Variants in ERH observed in about 807,000 individuals in gnomAD.
ERH encodes ERH mRNA splicing and mitosis factor.
Under a neutral mutation model 16.8 loss-of-function variants are expected in ERH, and 1 was observed. The observed-to-expected ratio is 0.06, with a 90% CI of 0.02 to 0.28. The LOEUF is 0.28. ERH is among the 10% of genes least tolerant of loss of function. The pLI is 1.00. For synonymous variants in ERH, 43 were observed against 43.6 expected (o/e 0.99, Z 0.05); for missense variants, 42 against 127.5 (o/e 0.33, Z 3.23).
chr14:69,395,365 C>G (rs1882312172), intron 1 of ERH, among the ~76,000 whole-genome samples: 1 of 152,180 alleles, frequency 6.6e-6, no homozygotes, highest in Non-Finnish European at 1.5e-5. Flanking sequence ...AGTATAGTAT[C>G]TAGCTGGATT....
intron 2 of ERH, among the ~76,000 whole-genome samples, chr14:69,389,717 C>T (rs906121508): frequency 2.6e-5 from 4 of 152,070 alleles, no homozygotes; most frequent in African/African-American, 4.8e-5. Flanking sequence ...TAGAAATAAA[C>T]GAAACAAAAG....
chr14:69,392,748 G>A (rs572673693), intron 2 of ERH, among the ~76,000 whole-genome samples: 9 of 152,346 alleles, frequency 5.9e-5, no homozygotes, highest in African/African-American at 1.9e-4. Flanking sequence ...CCACACCAGT[G>A]AAATTCATTA....
chr14:69,395,687 G>C (rs971656205), intron 1 of ERH, among the ~76,000 whole-genome samples: 7 of 152,010 alleles, frequency 4.6e-5, no homozygotes, highest in African/African-American at 1.7e-4. Flanking sequence ...TTTTATCCAG[G>C]GGTTAGACTT....
At position 69,380,657 on chromosome 14, in the gene ERH, AATAAG is replaced by A. The variant is rs759640140; in HGVS notation, c.213-22_213-18del. 2 of 1,490,354 alleles carry A rather than the reference AATAAG, an allele frequency of 1.3e-6. No individual in the cohort carries two copies. Among genetic ancestry groups the A allele is most frequent in the East Asian group, 4.5e-5 (2 of 44,010 alleles). The allele number at this position is 1,490,354 out of a possible 1,614,324, so 92.3% of individuals were successfully genotyped here. ...GCTCGGTAACTGAGGAGAGAAAGGG[AATAAG>A]CAAAGTCACAGTGGTCAATCACTGC... On this transcript the variant is annotated intron_variant, in intron 3 of 3. Transcript: ENST00000557016.
chr14:69,398,081 G>A (rs971716256), intron 1 of ERH, 150 bp downstream of exon 1: 2 of 1,024,654 alleles, frequency 2.0e-6, no homozygotes, highest in Admixed American at 2.1e-5. Flanking sequence ...GCGTCCCTGC[G>A]GCGGGAAGAA....
At chr14:69,388,104 T>A (rs1014654321) in intron 2 of ERH, among the ~76,000 whole-genome samples, 1 of 152,136 alleles carries the variant, frequency 6.6e-6, no homozygotes, top group African/African-American at 2.4e-5. Flanking sequence ...TAGTTCCAAC[T>A]CTGCCCCTGT....
At chr14:69,382,956 T>C (rs2140228286) in intron 3 of ERH, among the ~76,000 whole-genome samples, 1 of 152,312 alleles carries the variant, frequency 6.6e-6, no homozygotes, top group East Asian at 1.9e-4. Flanking sequence ...GGTCAATGAA[T>C]GTAGGTTTAT....
chr14:69,386,858 G>T, intron 3 of ERH, 105 bp downstream of exon 3: 1 of 1,013,822 alleles, frequency 9.9e-7, no homozygotes, highest in Non-Finnish European at 1.5e-6. Flanking sequence ...CAAATGCAAA[G>T]ATCAGTATCA....
At chr14:69,386,846 TGCAAA>T in intron 3 of ERH, 112 bp downstream of exon 3, 2 of 872,674 alleles carry the variant, frequency 2.3e-6, no homozygotes, top group South Asian at 3.6e-5. Flanking sequence ...CTATACACTA[TGCAAA>T]TGCAAAGATC....
intron 1 of ERH, among the ~76,000 whole-genome samples, chr14:69,395,880 T>C (rs1296214042): frequency 6.6e-6 from 1 of 152,226 alleles, no homozygotes; most frequent in Non-Finnish European, 1.5e-5. Flanking sequence ...ATAATGCCCA[T>C]AGCAGACAGA....
chr14:69,392,691 G>T (rs1882245505), intron 2 of ERH, among the ~76,000 whole-genome samples: 1 of 152,180 alleles, frequency 6.6e-6, no homozygotes, highest in Admixed American at 6.5e-5. Context: ...TTTACTTAAT[G>T]ACAATGTATC....
intron 2 of ERH, among the ~76,000 whole-genome samples, chr14:69,392,066 T>C (rs1882225806): frequency 6.6e-6 from 1 of 152,138 alleles, no homozygotes. Context: ...AGGCGTATGC[T>C]GGAGCTCTGT....
intron 2 of ERH, among the ~76,000 whole-genome samples, chr14:69,390,957 G>A (rs2045920992): frequency 6.6e-6 from 1 of 152,152 alleles, no homozygotes; most frequent in African/African-American, 2.4e-5. Context: ...CCTTAGAATG[G>A]CTAAAATCTA....
In ERH at chr14:69,380,575, A is replaced by ATGGT; in HGVS notation, c.277_278insACCA (p.Val93AspfsTer36). On this transcript the variant is annotated frameshift_variant, in exon 4 of 4. Transcript: ENST00000557016. LOFTEE classifies it high-confidence loss of function. ...CTGTTGGGCCTGCCGACGAAGGAGC[A>ATGGT]CGTAGATCTTCTCTTTAATCCAGTC... is the stretch of plus-strand genomic sequence containing the variant. 1 of 1,596,692 alleles carries ATGGT rather than the reference A, an allele frequency of 6.3e-7. No homozygotes were observed. Among genetic ancestry groups the ATGGT allele is most frequent in the South Asian group, 1.1e-5 (1 of 90,320 alleles).
chr14:69,380,435 C>G lies in ERH; in HGVS notation c.*103G>C. The G allele has an allele frequency of 1.5e-6, 1 of 651,980 alleles. No individual in the cohort carries two copies. Among genetic ancestry groups the G allele is most frequent in the East Asian group, 2.7e-5 (1 of 36,910 alleles). 40.4% of individuals were successfully genotyped at this position (651,980 alleles called of 1,614,324 possible). On this transcript the variant is annotated 3_prime_UTR_variant, in exon 4 of 4. Transcript: ENST00000557016. Reference sequence around the variant, plus strand: ...ACAGTCAATCTTGGCTAGAGTATAACAAAGTGGAAACAGGATTACTATGAT... The same window carrying G: ...ACAGTCAATCTTGGCTAGAGTATAAGAAAGTGGAAACAGGATTACTATGAT...
chr14:69,398,095 T>G (rs1594891561), intron 1 of ERH, 136 bp downstream of exon 1: 46 of 1,123,986 alleles, frequency 4.1e-5, no homozygotes, highest in Non-Finnish European at 3.3e-5. Flanking sequence ...GGAAGAAGGG[T>G]CAATCCACCG....
chr14:69,391,947 C>T (rs1882223470), intron 2 of ERH, among the ~76,000 whole-genome samples: 1 of 152,134 alleles, frequency 6.6e-6, no homozygotes, highest in South Asian at 2.1e-4. Context: ...ACATAAACTG[C>T]GAACTTTAGT....
chr14:69,396,038 A>C (rs946200471), intron 1 of ERH, among the ~76,000 whole-genome samples: 1 of 152,212 alleles, frequency 6.6e-6, no homozygotes, highest in African/African-American at 2.4e-5. Flanking sequence ...GGGAGCAAAA[A>C]ATCTCATCCA....
At chr14:69,390,041 G>A (rs141546654) in intron 2 of ERH, among the ~76,000 whole-genome samples, 103 of 152,296 alleles carry the variant, frequency 6.8e-4, no homozygotes, top group Middle Eastern at 6.8e-3. Context: ...TAACAGGTGT[G>A]AGCCACCACG....
Sources: gnomAD v4.1 joint callset for allele counts (sites outside exome capture counted in the v4.1 genomes callset) on GRCh38, gnomAD v4.1.1 for gene constraint, MANE v1.5 for transcripts, NCBI Gene and HGNC (gene_info 2026-07-23, HGNC 2026-07-21) for gene names.